AP2B1: variants seen among roughly 807,000 people sequenced by gnomAD.
The protein encoded by AP2B1 is AP-2 complex subunit beta.
Under a neutral mutation model 102.0 loss-of-function variants are expected in AP2B1, and 23 were observed. The observed-to-expected ratio is 0.23, with a 90% CI of 0.16 to 0.32. The LOEUF is 0.32. Ranked by LOEUF, AP2B1 falls within the 10% of genes least tolerant of loss-of-function variation. AP2B1 has a pLI of 1.00. For synonymous variants in AP2B1, 381 were observed against 421.2 expected (o/e 0.90, Z 1.17); for missense variants, 541 against 1,157.4 (o/e 0.47, Z 7.73).
At chr17:35,704,777 AATTCCAGC>A (rs2076306920) in intron 18 of AP2B1, among the ~76,000 whole-genome samples, 1 of 152,190 alleles carries the variant, frequency 6.6e-6, no homozygotes, top group Non-Finnish European at 1.5e-5. Flanking sequence ...TCACGCCTGT[AATTCCAGC>A]CCTTTGGGAG....
intron 9 of AP2B1, among the ~76,000 whole-genome samples, chr17:35,634,262 A>G (rs1396255141): frequency 6.6e-6 from 1 of 152,186 alleles, no homozygotes; most frequent in Non-Finnish European, 1.5e-5. Context: ...CACAGTCTGG[A>G]TTTGGCTGTT....
In AP2B1 at chr17:35,647,891, G is replaced by GTT. The variant is rs36102165; in HGVS notation, c.1537-2627_1537-2626dup. Among the ~76,000 whole-genome samples, 516 of 142,778 alleles carry GTT rather than the reference G, an allele frequency of 3.6e-3. 2 individuals are homozygous for GTT. The highest frequency in any genetic ancestry group is 4.0e-3 in the Non-Finnish European group (265 of 66,034). 93.7% of individuals were successfully genotyped at this position (142,778 alleles called of 152,430 possible). A position where few individuals can be genotyped will look rare whatever the true frequency, so the allele number is the denominator to read the frequency against. On this transcript the variant is annotated intron_variant, in intron 12 of 21. Transcript: ENST00000610402. The stretch of plus-strand genomic sequence containing the variant: ...TGAGTTTTTTGGGTTTTGGGGGTTT[G>GTT]TTTTTTTTTTTTTCTTTTGAGACAG...
intron 14 of AP2B1, among the ~76,000 whole-genome samples, chr17:35,660,481 C>CT (rs71366472): frequency 0.2 from 25,756 of 127,716 alleles, 3,110 homozygotes; most frequent in Middle Eastern, 0.27. Context: ...TTTTCTCTCT[C>CT]TTTTTTTTTT....
chr17:35,657,607 C>T lies in AP2B1; in HGVS notation c.1805C>T (p.Ala602Val), dbSNP rs1342134014. 6.2e-7 allele frequency: 1 copy of T among 1,612,436 alleles called. No individual in the cohort carries two copies. The highest frequency in any genetic ancestry group is 8.5e-7 in the Non-Finnish European group (1 of 1,179,020). The change falls in exon 14 of 22, where the codon GCA becomes GTA. Residue 602 changes from alanine to valine, a missense_variant. Ala to Val is a moderately conservative substitution (Grantham distance 64). Coordinates refer to ENST00000610402, the MANE Select transcript of AP2B1 (RefSeq NM_001030006.2). The part of the protein sequence containing the change: ...HLPIHHGSTD[A>V]GDSPVGTTTA... ...TGTGTATGTGACTTTAGCACTGATG[C>T]AGGTGACAGCCCTGTTGGCACTACC... is the stretch of plus-strand genomic sequence containing the variant.
intron 21 of AP2B1, among the ~76,000 whole-genome samples, chr17:35,720,859 A>G (rs993804547): frequency 1.3e-5 from 2 of 151,952 alleles, no homozygotes; most frequent in African/African-American, 4.8e-5. Context: ...GCACTTGACA[A>G]ATAGGTCTAA....
intron 18 of AP2B1, among the ~76,000 whole-genome samples, chr17:35,703,341 A>G (rs1371018804): frequency 6.6e-6 from 1 of 152,106 alleles, no homozygotes; most frequent in Non-Finnish European, 1.5e-5. Flanking sequence ...ATATACCCAA[A>G]AGAATACAAG....
chr17:35,703,834 A>AAGTTAAATTTTTTAAAAG (rs71152745), intron 18 of AP2B1, among the ~76,000 whole-genome samples: 1 of 152,004 alleles, frequency 6.6e-6, no homozygotes, highest in Non-Finnish European at 1.5e-5. Context: ...CTTGAAATAA[A>AAGTTAAATTTTTTAAAAG]AGTTCAGTTT....
intron 18 of AP2B1, among the ~76,000 whole-genome samples, chr17:35,683,479 A>G (rs2075867059): frequency 6.6e-6 from 1 of 152,200 alleles, no homozygotes; most frequent in South Asian, 2.1e-4. Flanking sequence ...ACAGGTAGCT[A>G]GGCTGTTTGG....
intron 17 of AP2B1, among the ~76,000 whole-genome samples, chr17:35,674,877 G>C (rs3785763): frequency 6.6e-6 from 1 of 152,292 alleles, no homozygotes; most frequent in South Asian, 2.1e-4. Flanking sequence ...TGGATTCTAG[G>C]ATTAGAACGT....
intron 18 of AP2B1, among the ~76,000 whole-genome samples, chr17:35,691,453 C>G (rs1004357894): frequency 1.3e-5 from 2 of 152,200 alleles, no homozygotes; most frequent in African/African-American, 4.8e-5. Flanking sequence ...TTCAGCGCTC[C>G]CATCAAATGA....
At chr17:35,627,607 T>C in intron 8 of AP2B1, 24 bp from the exon 9 acceptor site, 1 of 1,613,566 alleles carries the variant, frequency 6.2e-7, no homozygotes, top group South Asian at 1.1e-5. Context: ...TCCTTAATGA[T>C]TAACCACTTC....
chr17:35,697,824 T>C lies in AP2B1; in HGVS notation c.2455-11400T>C, dbSNP rs2076169670. 2.0e-5 allele frequency among the ~76,000 whole-genome samples: 3 copies of C among 152,014 alleles called. No homozygotes were observed. The South Asian group carries it at 6.2e-4, about 32-fold the overall frequency. The stretch of plus-strand genomic sequence containing the variant: ...CAAAAATACAAAAATTAGCCGGGTG[T>C]AGTGGCATGCGCCTGTAGTCCCAGC... On this transcript the variant is annotated intron_variant, in intron 18 of 21. Coordinates refer to ENST00000610402, the MANE Select transcript of AP2B1 (RefSeq NM_001030006.2).
intron 20 of AP2B1, among the ~76,000 whole-genome samples, chr17:35,716,331 TA>T (rs2143011130): frequency 6.6e-6 from 1 of 152,366 alleles, no homozygotes; most frequent in South Asian, 2.1e-4. Context: ...CAACATCTCA[TA>T]AAGAGAGAAA....
At chr17:35,641,287 T>C (rs1246756360) in intron 11 of AP2B1, among the ~76,000 whole-genome samples, 1 of 152,106 alleles carries the variant, frequency 6.6e-6, no homozygotes, top group Non-Finnish European at 1.5e-5. Context: ...CTTTAAGAAA[T>C]ACAAGCCAGG....
chr17:35,720,555 AT>A (rs2085336021), intron 21 of AP2B1, among the ~76,000 whole-genome samples: 1 of 46,110 alleles, frequency 2.2e-5, no homozygotes, highest in Non-Finnish European at 4.5e-5. Flanking sequence ...TTATATATAT[AT>A]ATATATATAT....
chr17:35,678,576 A>G (rs2075750767), intron 17 of AP2B1, among the ~76,000 whole-genome samples: 1 of 152,128 alleles, frequency 6.6e-6, no homozygotes, highest in Non-Finnish European at 1.5e-5. Context: ...ATGGGTATTA[A>G]ATTTTGCCAG....
intron 5 of AP2B1, among the ~76,000 whole-genome samples, chr17:35,611,382 A>G (rs1002262215): frequency 6.6e-6 from 1 of 152,186 alleles, no homozygotes; most frequent in African/African-American, 2.4e-5. Flanking sequence ...CAGCATCTCT[A>G]TGCTAATGTA....
chr17:35,707,040 C>T (rs226090), intron 18 of AP2B1, among the ~76,000 whole-genome samples: 132,540 of 152,140 alleles, frequency 0.87, 58,142 homozygotes, highest in East Asian at 0.97. Context: ...AATTCTCCTC[C>T]CTTACCTGCC....
chr17:35,626,907 T>C, intron 7 of AP2B1, 65 bp downstream of exon 7: 1 of 1,403,874 alleles, frequency 7.1e-7, no homozygotes, highest in Non-Finnish European at 1.0e-6. Flanking sequence ...ATAATGTCAA[T>C]GTTAATTAGG....
Sources: allele counts gnomAD v4.1 joint callset (sites outside exome capture counted in the v4.1 genomes callset), GRCh38; gene constraint gnomAD v4.1.1; transcripts MANE v1.5; gene names NCBI Gene and HGNC (gene_info 2026-07-23, HGNC 2026-07-21).